GRM3: variants seen among roughly 807,000 people sequenced by gnomAD.
GRM3 encodes the protein glutamate metabotropic receptor 3, also known as metabotropic glutamate receptor 3.
A neutral mutation model predicts 70.5 loss-of-function variants in GRM3; 26 were observed. The observed-to-expected ratio is 0.37, with a 90% CI of 0.27 to 0.51. The LOEUF (loss-of-function observed/expected upper bound fraction) is 0.51. GRM3 is among the 20% of genes least tolerant of loss of function. The pLI is 0.93. For missense variants in GRM3, 859 were observed against 1,123.8 expected, an observed-to-expected ratio of 0.76 and a Z score of 3.37; for synonymous variants, 443 against 434.9, an observed-to-expected ratio of 1.02 and a Z score of -0.23.
chr7:86,862,555 G>A (rs757847941), intron 5 of GRM3, among the ~76,000 whole-genome samples: 13 of 151,982 alleles, frequency 8.6e-5, no homozygotes, highest in Non-Finnish European at 1.5e-4. Context: ...TAATGGGCTC[G>A]TATTGTAAAG....
intron 1 of GRM3, among the ~76,000 whole-genome samples, chr7:86,722,024 G>A (rs1158155215): frequency 6.6e-6 from 1 of 152,068 alleles, no homozygotes; most frequent in African/African-American, 2.4e-5. Flanking sequence ...GGGAGAAAAG[G>A]TATTTTAGAA....
intron 1 of GRM3, among the ~76,000 whole-genome samples, chr7:86,720,219 A>G (rs1795424649): frequency 6.6e-6 from 1 of 151,958 alleles, no homozygotes; most frequent in Admixed American, 6.6e-5. Context: ...AAGAAAAATG[A>G]GGCTTTTACG....
chr7:86,821,398 CT>C (rs1479982871), intron 3 of GRM3, among the ~76,000 whole-genome samples: 1 of 152,188 alleles, frequency 6.6e-6, no homozygotes, highest in Non-Finnish European at 1.5e-5. Context: ...TTTATTAACT[CT>C]TTCATTCAAT....
intron 1 of GRM3, among the ~76,000 whole-genome samples, chr7:86,716,559 A>T (rs1444835057): frequency 6.6e-6 from 1 of 151,868 alleles, no homozygotes; most frequent in Non-Finnish European, 1.5e-5. Context: ...CAAGGTAATG[A>T]AAGGAACCTG....
At chr7:86,671,976 G>A in intron 1 of GRM3, among the ~76,000 whole-genome samples, 1 of 152,086 alleles carries the variant, frequency 6.6e-6, no homozygotes, top group East Asian at 1.9e-4. Context: ...AAACAGGTTC[G>A]ACTCAAGAAG....
chr7:86,786,884 G>T lies in GRM3; in HGVS notation c.1092G>T (p.Gln364His). The T allele has an allele frequency of 6.2e-7, 1 of 1,614,224 alleles. No individual in the cohort carries two copies. Residue 364 changes from glutamine to histidine, a missense_variant, in exon 3 of 6, where the codon CAG becomes CAT. By Grantham distance (24) the Gln-to-His change is conservative. Transcript: ENST00000361669. This position sits in a 1 kb window ranked among gnomAD's most constrained non-coding sequence, Gnocchi z 6.0. Reference sequence around the variant, plus strand: ...AGCAAAAGTTTCAGTGCAGCCTCCAGAACAAACGCAACCACAGGCGCGTCT... The same window carrying T: ...AGCAAAAGTTTCAGTGCAGCCTCCATAACAAACGCAACCACAGGCGCGTCT... ...FWEQKFQCSLQNKRNHRRVCD... is the reference protein window; with the variant it reads ...FWEQKFQCSLHNKRNHRRVCD...
intron 1 of GRM3, among the ~76,000 whole-genome samples, chr7:86,673,071 G>A (rs1331153133): frequency 6.6e-6 from 1 of 151,986 alleles, no homozygotes; most frequent in Non-Finnish European, 1.5e-5. Flanking sequence ...CAGGTTTAGG[G>A]CTCCAGGTGA....
At chr7:86,782,044 T>G (rs1174131907) in intron 2 of GRM3, among the ~76,000 whole-genome samples, 2 of 152,208 alleles carry the variant, frequency 1.3e-5, no homozygotes, top group Non-Finnish European at 2.9e-5. Flanking sequence ...TGCTGATTCC[T>G]AGTACTTTCC....
chr7:86,843,314 T>C (rs983795230), intron 4 of GRM3, among the ~76,000 whole-genome samples: 8 of 152,190 alleles, frequency 5.3e-5, no homozygotes, highest in African/African-American at 1.9e-4. Flanking sequence ...GTAGTTTTTC[T>C]GATTCAAATC....
At chr7:86,846,444 T>C (rs1416121963) in intron 4 of GRM3, among the ~76,000 whole-genome samples, 1 of 152,182 alleles carries the variant, frequency 6.6e-6, no homozygotes, top group Non-Finnish European at 1.5e-5. Flanking sequence ...TCTCTCTCTC[T>C]CAATGCTCAG....
chr7:86,727,597 T>C (rs2116259497), intron 1 of GRM3, among the ~76,000 whole-genome samples: 1 of 152,332 alleles, frequency 6.6e-6, no homozygotes, highest in South Asian at 2.1e-4. Flanking sequence ...GTATGTTTAG[T>C]ACAATGCTTG....
At chr7:86,784,009 G>C (rs1275953321) in intron 2 of GRM3, among the ~76,000 whole-genome samples, 1 of 152,056 alleles carries the variant, frequency 6.6e-6, no homozygotes, top group African/African-American at 2.4e-5. Context: ...TTAAAATGTT[G>C]GCAATAGTTG....
At chr7:86,815,463 T>A (rs1035435568) in intron 3 of GRM3, among the ~76,000 whole-genome samples, 2 of 151,880 alleles carry the variant, frequency 1.3e-5, no homozygotes, top group Non-Finnish European at 2.9e-5. Flanking sequence ...GTTAAGGAAA[T>A]AAATACCATT....
intron 5 of GRM3, 152 bp from the exon 6 acceptor site, chr7:86,864,130 A>C: frequency 1.7e-6 from 1 of 593,508 alleles, no homozygotes. Context: ...TCACCTGGGT[A>C]GTATACACTG....
chr7:86,860,530 T>C (rs975005741), intron 5 of GRM3, among the ~76,000 whole-genome samples: 7 of 152,136 alleles, frequency 4.6e-5, no homozygotes, highest in Non-Finnish European at 5.9e-5. Flanking sequence ...GGGGAAAAAG[T>C]AGTTGCAAAA....
chr7:86,860,543 A>G (rs1191705449), intron 5 of GRM3, among the ~76,000 whole-genome samples: 1 of 152,210 alleles, frequency 6.6e-6, no homozygotes, highest in African/African-American at 2.4e-5. Context: ...TTGCAAAAAC[A>G]GTCTTGTGGG....
chr7:86,749,242 C>T (rs1224644106), intron 1 of GRM3, among the ~76,000 whole-genome samples: 1 of 151,980 alleles, frequency 6.6e-6, no homozygotes, highest in Non-Finnish European at 1.5e-5. Context: ...TGTGAAACAC[C>T]ATCCTTTGGG....
intron 1 of GRM3, among the ~76,000 whole-genome samples, chr7:86,667,657 A>G (rs2115880196): frequency 6.6e-6 from 1 of 152,288 alleles, no homozygotes; most frequent in South Asian, 2.1e-4. Flanking sequence ...GCAATAGAGC[A>G]TAATAGGGCT....
intron 1 of GRM3, among the ~76,000 whole-genome samples, chr7:86,708,818 T>C (rs777979108): frequency 2.0e-5 from 3 of 152,126 alleles, no homozygotes; most frequent in Non-Finnish European, 4.4e-5. Flanking sequence ...AGTCTGAGCA[T>C]ACCTTTAAAG....
Sources: gnomAD v4.1 joint callset for allele counts (sites outside exome capture counted in the v4.1 genomes callset) on GRCh38, gnomAD v4.1.1 for gene constraint, Gnocchi (gnomAD v3.1) non-coding constraint, MANE v1.5 for transcripts, NCBI Gene and HGNC (gene_info 2026-07-23, HGNC 2026-07-21) for gene names.